Variants in PCA3 observed in about 807,000 individuals in gnomAD.
PCA3 encodes the protein prostate cancer associated 3.
Position 76,782,204 on chromosome 9 carries a change from A to G in PCA3, n.853-26379A>G, listed in dbSNP as rs942285391. Among the ~76,000 whole-genome samples the G allele has an allele frequency of 2.0e-5, 3 of 151,262 alleles. 1 individual carries two copies. Among genetic ancestry groups the G allele is most frequent in the Admixed American group, 2.0e-4 (3 of 15,206 alleles). On this transcript the variant is annotated intron_variant and non_coding_transcript_variant, in intron 2 of 5. Coordinates refer to ENST00000644657, the Ensembl canonical transcript of PCA3. Reference sequence around the variant, plus strand: ...ACTCCAGCCTGGGTGACAAAGCGAGACTCCATCTCAAAAAAAGAAAAAAAA... The same window carrying G: ...ACTCCAGCCTGGGTGACAAAGCGAGGCTCCATCTCAAAAAAAGAAAAAAAA...
intron 2 of PCA3, among the ~76,000 whole-genome samples, chr9:76,776,893 TACACACACACACACACACACACAC>T (rs541232508): frequency 7.8e-5 from 9 of 115,668 alleles, no homozygotes; most frequent in Admixed American, 4.7e-4. Context: ...CCAAAACACA[TACACACACACACACACACACACAC>T]ACACACACAC....
chr9:76,778,670 C>A (rs1302438981), intron 2 of PCA3: 1 of 152,180 alleles, frequency 6.6e-6, no homozygotes, highest in Non-Finnish European at 1.5e-5. Context: ...ATGGGATACA[C>A]AGTATGATCT....
intron 2 of PCA3, among the ~76,000 whole-genome samples, chr9:76,776,769 C>A (rs1005220475): frequency 6.6e-6 from 1 of 151,658 alleles, no homozygotes; most frequent in African/African-American, 2.4e-5. Flanking sequence ...CCCACCTCAG[C>A]CTCCCAAAGT....
At chr9:76,766,805 T>G (rs954141299) in intron 2 of PCA3, among the ~76,000 whole-genome samples, 2 of 152,180 alleles carry the variant, frequency 1.3e-5, no homozygotes, top group Non-Finnish European at 2.9e-5. Context: ...AGTCCAAACA[T>G]CACTTTCTCT....
intron 2 of PCA3, among the ~76,000 whole-genome samples, chr9:76,775,142 G>A (rs115761835): frequency 0.011 from 1,743 of 152,304 alleles, 31 homozygotes; most frequent in African/African-American, 0.039. Context: ...TATTTGGTCG[G>A]GGGGAAAGAA....
chr9:76,781,967 C>G (rs2054457335), intron 2 of PCA3, among the ~76,000 whole-genome samples: 1 of 152,048 alleles, frequency 6.6e-6, no homozygotes, highest in Admixed American at 6.6e-5. Context: ...GTAATCCCAG[C>G]ACTTTGGGAG....
In PCA3 at chr9:76,781,302, G is replaced by C. The variant is rs2131206056; in HGVS notation, n.853-27281G>C. On this transcript the variant is annotated intron_variant and non_coding_transcript_variant, in intron 2 of 5. Coordinates refer to ENST00000644657, the Ensembl canonical transcript of PCA3. ...AGTCTGAAGTGTTCACTCTGGCCTG[G>C]GAGGGCTTGAAGGATCTGATCCCAC... Among the ~76,000 whole-genome samples, 3 of 152,140 alleles carry C rather than the reference G, an allele frequency of 2.0e-5. No homozygotes were observed. In the South Asian group the frequency reaches 6.2e-4, roughly 32 times the overall value.
intron 2 of PCA3, among the ~76,000 whole-genome samples, chr9:76,774,305 T>C (rs1421413564): frequency 6.6e-6 from 1 of 151,660 alleles, no homozygotes; most frequent in East Asian, 1.9e-4. Context: ...CCAGTTAATT[T>C]TTTGTATTTT....
At chr9:76,781,513 G>A (rs1202261652) in intron 2 of PCA3, among the ~76,000 whole-genome samples, 8 of 152,106 alleles carry the variant, frequency 5.3e-5, no homozygotes, top group African/African-American at 1.7e-4. Context: ...TATATGCTTG[G>A]TTTATAAACT....
In PCA3 at chr9:76,780,425, C is replaced by T. The variant is rs568067698; in HGVS notation, n.853-28158C>T. On this transcript the variant is annotated intron_variant and non_coding_transcript_variant, in intron 2 of 5. Transcript: ENST00000644657. Reference sequence around the variant, plus strand: ...AGCAGCGGCCAGGCACGATGGCTCACGCCTGTAATCCCAGCACTTTGGGAG... The same window carrying T: ...AGCAGCGGCCAGGCACGATGGCTCATGCCTGTAATCCCAGCACTTTGGGAG... Among the ~76,000 whole-genome samples, 44 of 152,220 alleles carry T rather than the reference C, an allele frequency of 2.9e-4. No individual in the cohort carries two copies. In the East Asian group the frequency reaches 2.9e-3, roughly 10 times the overall value.
chr9:76,783,818 A>G (rs1252655431), intron 2 of PCA3: 1 of 152,218 alleles, frequency 6.6e-6, no homozygotes, highest in Non-Finnish European at 1.5e-5. Context: ...CTAAGTAGTG[A>G]CATGTTTTTG....
chr9:76,775,800 G>A (rs540195130), intron 2 of PCA3, among the ~76,000 whole-genome samples: 7 of 152,314 alleles, frequency 4.6e-5, no homozygotes, highest in South Asian at 2.1e-4. Flanking sequence ...TTGCTCACCC[G>A]GCCTTCATGC....
At chr9:76,774,458 T>TTTATTTATTTATTTATTTA (rs2053499577) in intron 2 of PCA3, among the ~76,000 whole-genome samples, 392 of 33,284 alleles carry the variant, frequency 0.012, 8 homozygotes, top group African/African-American at 0.1. Context: ...CCCTTTTTTT[T>TTTATTTATTTATTTATTTA]TTTTTTTTTT....
chr9:76,779,466 T>A (rs1425003599), intron 2 of PCA3, among the ~76,000 whole-genome samples: 1 of 152,198 alleles, frequency 6.6e-6, no homozygotes, highest in Non-Finnish European at 1.5e-5. Flanking sequence ...GATGCACTTA[T>A]GAAAAATGGT....
intron 2 of PCA3, among the ~76,000 whole-genome samples, chr9:76,765,965 G>T (rs1192317366): frequency 1.3e-5 from 2 of 152,012 alleles, no homozygotes; most frequent in Non-Finnish European, 2.9e-5. Flanking sequence ...GGCTGATCAC[G>T]AGGTCAAGAG....
At chr9:76,766,231 T>C (rs1403992536) in intron 2 of PCA3, among the ~76,000 whole-genome samples, 1 of 148,178 alleles carries the variant, frequency 6.7e-6, no homozygotes, top group African/African-American at 2.5e-5. Flanking sequence ...AAATGCAATA[T>C]CATTTTTGAT....
rs564354553 is a variant in PCA3, at chr9:76,783,483, G to C, written n.853-25100G>C. Among the ~76,000 whole-genome samples the C allele has an allele frequency of 3.9e-5, 6 of 152,266 alleles. No homozygotes were observed. In the South Asian group the frequency reaches 1.2e-3, roughly 32 times the overall value. ...CTCTAGAGGGGACCTCAAGAGAATGGTGTGTGTCAGGCACTGCACTAGTGA... is the reference window on the plus strand; with the variant it reads ...CTCTAGAGGGGACCTCAAGAGAATGCTGTGTGTCAGGCACTGCACTAGTGA... On this transcript the variant is annotated intron_variant and non_coding_transcript_variant, in intron 2 of 5. Coordinates refer to ENST00000644657, the Ensembl canonical transcript of PCA3.
intron 2 of PCA3, chr9:76,783,788 G>A (rs911578545): frequency 6.6e-6 from 1 of 152,170 alleles, no homozygotes. Context: ...ACTAGAAACA[G>A]CAAGATGACA....
chr9:76,774,458 T>TTATTTATTTATTTATTTATTTA (rs2053498967), intron 2 of PCA3, among the ~76,000 whole-genome samples: 1 of 33,294 alleles, frequency 3.0e-5, no homozygotes, highest in African/African-American at 3.1e-4. Flanking sequence ...CCCTTTTTTT[T>TTATTTATTTATTTATTTATTTA]TTTTTTTTTT....
Sources: allele counts gnomAD v4.1 joint callset (sites outside exome capture counted in the v4.1 genomes callset), GRCh38; gene constraint gnomAD v4.1.1; transcripts MANE v1.5; gene names NCBI Gene and HGNC (gene_info 2026-07-23, HGNC 2026-07-21).